HAPLN2: variants seen among roughly 807,000 people sequenced by gnomAD.
HAPLN2 encodes brain link protein-1.
A neutral mutation model predicts 29.3 loss-of-function variants in HAPLN2; 27 were observed. That is an observed-to-expected ratio of 0.92 (90% CI 0.68 to 1.27). The LOEUF (loss-of-function observed/expected upper bound fraction) is 1.27, where lower values mean the gene tolerates loss of function less well. Among genes scored for constraint, HAPLN2 ranks in the 50% most tolerant of loss-of-function variants. The pLI, the probability that HAPLN2 is intolerant of heterozygous loss-of-function variation, is 0.00. For missense variants in HAPLN2, 454 were observed against 484.3 expected, an observed-to-expected ratio of 0.94 and a Z score of 0.59; for synonymous variants, 208 against 211.7, an observed-to-expected ratio of 0.98 and a Z score of 0.15.
At chr1:156,624,264 C>G (rs1426172217) in intron 4 of HAPLN2, 87 bp from the exon 5 acceptor site, 3 of 1,504,670 alleles carry the variant, frequency 2.0e-6, no homozygotes, top group Admixed American at 4.0e-5. Context: ...CCCTGGGGAC[C>G]CCAGCTCCCT....
the HAPLN2 span, chr1:156,601,578 C>T: frequency 1.0e-6 from 1 of 976,954 alleles, no homozygotes; most frequent in African/African-American, 1.6e-5. Context: ...CCCAATTTGC[C>T]GGTATGGTTG....
the HAPLN2 span, among the ~76,000 whole-genome samples, chr1:156,610,245 A>G: frequency 1.3e-5 from 2 of 152,164 alleles, no homozygotes; most frequent in Non-Finnish European, 2.9e-5. Flanking sequence ...AAATAATGCT[A>G]CAGCCACCCA....
chr1:156,604,680 G>C, the HAPLN2 span, among the ~76,000 whole-genome samples: 1 of 152,150 alleles, frequency 6.6e-6, no homozygotes, highest in Non-Finnish European at 1.5e-5. Flanking sequence ...ACCTATCTAT[G>C]TTAAAAATTC....
At chr1:156,601,801 A>G in the HAPLN2 span, among the ~76,000 whole-genome samples, 6 of 150,236 alleles carry the variant, frequency 4.0e-5, no homozygotes, top group Non-Finnish European at 8.9e-5. Context: ...GTAGCCTGAG[A>G]AATTCGTGGA....
chr1:156,602,548 CCA>C, the HAPLN2 span, among the ~76,000 whole-genome samples: 1 of 9,248 alleles, frequency 1.1e-4, no homozygotes, highest in South Asian at 3.5e-3. Flanking sequence ...ACTAAAAATA[CCA>C]AAAAAAAAAA....
chr1:156,618,774 G>GAA (rs1557973664), upstream of HAPLN2, among the ~76,000 whole-genome samples: 1 of 91,378 alleles, frequency 1.1e-5, no homozygotes, highest in Non-Finnish European at 1.9e-5. Context: ...GCGAGACTCC[G>GAA]TCTCAAAAAA....
the HAPLN2 span, among the ~76,000 whole-genome samples, chr1:156,613,469 C>G: frequency 9.0e-4 from 137 of 152,238 alleles, no homozygotes; most frequent in African/African-American, 3.1e-3. Flanking sequence ...GCAATAAAAC[C>G]CTATCATTGT....
chr1:156,622,413 C>G (rs769774333), intron 2 of HAPLN2, among the ~76,000 whole-genome samples: 1 of 151,832 alleles, frequency 6.6e-6, no homozygotes, highest in Non-Finnish European at 1.5e-5. Flanking sequence ...ATGATCATAC[C>G]ACTGCACTCC....
chr1:156,604,432 G>A, the HAPLN2 span, among the ~76,000 whole-genome samples: 1 of 152,040 alleles, frequency 6.6e-6, no homozygotes, highest in South Asian at 2.1e-4. Flanking sequence ...TGGGACTACA[G>A]GTGCGTGCCA....
chr1:156,625,271 A>G lies in HAPLN2; in HGVS notation c.910A>G (p.Ile304Val), dbSNP rs1325633933. The change falls in exon 7 of 7, where the codon ATC becomes GTC. Residue 304 changes from isoleucine (I) to valine (V), a missense_variant. By Grantham distance (29) the Ile-to-Val change is conservative. This residue lies in a region of HAPLN2 where 235 missense variants were observed against 236.9 expected (regional missense o/e 0.99). Coordinates refer to ENST00000255039, the MANE Select transcript of HAPLN2 (RefSeq NM_021817.3). This position sits in a 1 kb window ranked among gnomAD's most constrained non-coding sequence, Gnocchi z 5.7. ...WLADGSVRFP[I>V]TTPRPRCGGL... ...GGCTGACGGCAGTGTGCGCTTCCCA[A>G]TCACCACGCCGAGGCCGCGCTGCGG... is the stretch of plus-strand genomic sequence containing the variant. 1.3e-6 allele frequency: 2 copies of G among 1,576,514 alleles called. No homozygotes were observed. Among genetic ancestry groups the G allele is most frequent in the African/African-American group, 2.7e-5 (2 of 73,974 alleles).
Position 156,624,043 on chromosome 1 carries a change from C to T in HAPLN2, c.322C>T (p.Arg108Ter), listed in dbSNP as rs779475530. The change falls in exon 4 of 7, where the codon CGA becomes TGA. Residue 108 changes from arginine (R) to a stop codon, truncating the protein, a stop_gained. Transcript: ENST00000255039. LOFTEE classifies it high-confidence loss of function. The part of the protein sequence containing the change: ...GGRARMRRGH[R>*]LDASLVIAGV... ...GCGCGCCAGGATGCGGAGGGGGCAT[C>T]GACTAGACGCCTCCCTGGTCATCGC... The T allele has an allele frequency of 6.2e-7, 1 of 1,613,054 alleles. No homozygotes were observed. Among genetic ancestry groups the T allele is most frequent in the Non-Finnish European group, 8.5e-7 (1 of 1,179,716 alleles).
chr1:156,619,047 C>T (rs916363482), upstream of HAPLN2, among the ~76,000 whole-genome samples: 1 of 152,146 alleles, frequency 6.6e-6, no homozygotes, highest in African/African-American at 2.4e-5. Context: ...GCTAGCCACT[C>T]CCTCTGCCCT....
At chr1:156,618,515 C>A (rs1678118265), upstream of HAPLN2, among the ~76,000 whole-genome samples, 1 of 151,910 alleles carries the variant, frequency 6.6e-6, no homozygotes, top group Admixed American at 6.6e-5. Context: ...CACGGTGGCT[C>A]ACGCCTGTAA....
the HAPLN2 span, among the ~76,000 whole-genome samples, chr1:156,612,424 T>G: frequency 5.6e-3 from 853 of 152,286 alleles, 4 homozygotes; most frequent in Middle Eastern, 0.024. Flanking sequence ...GGTCCCACTC[T>G]GTCTTCCAGA....
In HAPLN2 at chr1:156,625,536, A is replaced by G. The variant is rs565529833; in HGVS notation, c.*152A>G. The G allele has an allele frequency of 9.0e-5, 69 of 766,816 alleles. No homozygotes were observed. The Middle Eastern group carries it at 2.0e-3, about 22-fold the overall frequency. The allele number at this position is 766,816 out of a possible 1,614,324, so 47.5% of individuals were successfully genotyped here. ...CCCAGCCGGGGGCTGCGGGCCTCGG[A>G]CCCCGGCTGGCCCGGCGGCGGGGAG... On this transcript the variant is annotated 3_prime_UTR_variant, in exon 7 of 7. Transcript: ENST00000255039. The surrounding 1 kb of genome is among the most constrained non-coding windows in gnomAD (Gnocchi z 5.7).
chr1:156,624,903 C>A (rs983213132), intron 6 of HAPLN2, 120 bp downstream of exon 6: 2 of 1,194,470 alleles, frequency 1.7e-6, no homozygotes, highest in Non-Finnish European at 2.3e-6. Flanking sequence ...CACCGCCCCC[C>A]CATCAGCCCG....
the HAPLN2 span, among the ~76,000 whole-genome samples, chr1:156,612,191 T>G: frequency 1.3e-5 from 2 of 152,150 alleles, no homozygotes; most frequent in African/African-American, 4.8e-5. Context: ...GCTCAGCTAA[T>G]TTTTGTATTT....
chr1:156,624,227 G>A (rs1678361380), intron 4 of HAPLN2, 67 bp downstream of exon 4: 2 of 1,534,592 alleles, frequency 1.3e-6, no homozygotes, highest in Non-Finnish European at 1.8e-6. Context: ...GGTCTCCCAG[G>A]GCTCCTTCCC....
At chr1:156,616,479 A>G (rs1287350588), upstream of HAPLN2, among the ~76,000 whole-genome samples, 1 of 152,214 alleles carries the variant, frequency 6.6e-6, no homozygotes, top group Non-Finnish European at 1.5e-5. Flanking sequence ...ATGGATTTAC[A>G]TACCAGAGAC....
Sources: gnomAD v4.1 joint callset for allele counts (sites outside exome capture counted in the v4.1 genomes callset) on GRCh38, gnomAD v4.1.1 for gene constraint, gnomAD v4.1.1 regional missense constraint, Gnocchi (gnomAD v3.1) non-coding constraint, MANE v1.5 for transcripts, NCBI Gene and HGNC (gene_info 2026-07-23, HGNC 2026-07-21) for gene names.